Variants in REDIC1 observed in about 807,000 individuals in gnomAD.
The protein encoded by REDIC1 is regulator of DNA class I crossover intermediates 1, also known as HEI10 Interacting Protein 1.
the REDIC1 span, among the ~76,000 whole-genome samples, chr12:39,717,658 C>T: frequency 2.0e-5 from 3 of 152,042 alleles, no homozygotes; most frequent in African/African-American, 7.2e-5. Flanking sequence ...TTTGATTTTT[C>T]GTTTCTCTAA....
the REDIC1 span, among the ~76,000 whole-genome samples, chr12:39,688,086 C>G: frequency 6.6e-6 from 1 of 152,122 alleles, no homozygotes; most frequent in Non-Finnish European, 1.5e-5. Context: ...TTCCTGTATG[C>G]TAGACACTGG....
the REDIC1 span, among the ~76,000 whole-genome samples, chr12:39,901,942 A>C: frequency 2.6e-4 from 40 of 152,232 alleles, no homozygotes; most frequent in African/African-American, 8.7e-4. Context: ...GGAACCAACC[A>C]AAATGTCCAT....
the REDIC1 span, among the ~76,000 whole-genome samples, chr12:39,743,514 C>A: frequency 6.6e-6 from 1 of 152,140 alleles, no homozygotes; most frequent in East Asian, 1.9e-4. Flanking sequence ...AAAGCAGTCA[C>A]GTACCAGACT....
the REDIC1 span, among the ~76,000 whole-genome samples, chr12:39,809,522 ATACTTT>A: frequency 2.6e-5 from 4 of 152,164 alleles, no homozygotes; most frequent in Non-Finnish European, 5.9e-5. Flanking sequence ...AATTATTATT[ATACTTT>A]AAGTTTTAGG....
At chr12:39,848,074 C>A in the REDIC1 span, among the ~76,000 whole-genome samples, 5 of 151,984 alleles carry the variant, frequency 3.3e-5, no homozygotes, top group African/African-American at 9.7e-5. Flanking sequence ...CTCTGAAAAC[C>A]CTGGAAGACA....
At chr12:39,654,754 CAT>C in the REDIC1 span, among the ~76,000 whole-genome samples, 120,388 of 151,880 alleles carry the variant, frequency 0.79, 48,447 homozygotes, top group Non-Finnish European at 0.87. Flanking sequence ...ATACTGGCCT[CAT>C]AGAAAAAGTT....
At chr12:39,684,045 T>C in the REDIC1 span, 3 of 694,750 alleles carry the variant, frequency 4.3e-6, no homozygotes, top group Non-Finnish European at 5.3e-6. Context: ...TTTCTCTATG[T>C]TCAAGATTAC....
chr12:39,752,966 A>AAT, the REDIC1 span, among the ~76,000 whole-genome samples: 12 of 152,308 alleles, frequency 7.9e-5, no homozygotes, highest in Admixed American at 2.0e-4. Flanking sequence ...ATCCTCAGAG[A>AAT]ATCTGATTCA....
chr12:39,908,175 T>C, the REDIC1 span: 1 of 152,018 alleles, frequency 6.6e-6, no homozygotes, highest in Non-Finnish European at 1.5e-5. Flanking sequence ...AGTCTAATGG[T>C]GTATCTCTGG....
chr12:39,637,486 G>A, the REDIC1 span, among the ~76,000 whole-genome samples: 1 of 152,170 alleles, frequency 6.6e-6, no homozygotes, highest in South Asian at 2.1e-4. Context: ...ATTTTAGTTT[G>A]GTTGAGTGTT....
chr12:39,858,003 G>A, the REDIC1 span, among the ~76,000 whole-genome samples: 1 of 152,148 alleles, frequency 6.6e-6, no homozygotes, highest in Non-Finnish European at 1.5e-5. Context: ...AGCAAGTCTT[G>A]CCAAGTGGGG....
At chr12:39,691,776 T>C in the REDIC1 span, among the ~76,000 whole-genome samples, 4 of 152,172 alleles carry the variant, frequency 2.6e-5, no homozygotes, top group Admixed American at 2.0e-4. Flanking sequence ...TCAGCTGCAT[T>C]TACTATGATT....
the REDIC1 span, among the ~76,000 whole-genome samples, chr12:39,691,851 GT>G: frequency 1.3e-5 from 2 of 152,062 alleles, no homozygotes; most frequent in African/African-American, 4.8e-5. Flanking sequence ...GTTGCTTGTT[GT>G]TTTTTAACGA....
the REDIC1 span, among the ~76,000 whole-genome samples, chr12:39,712,468 GTATA>G: frequency 2.5e-5 from 3 of 119,868 alleles, no homozygotes; most frequent in Non-Finnish European, 5.4e-5. Context: ...ATATACGTAT[GTATA>G]TATACATACA....
chr12:39,664,793 T>C, the REDIC1 span, among the ~76,000 whole-genome samples: 1 of 152,158 alleles, frequency 6.6e-6, no homozygotes, highest in South Asian at 2.1e-4. Context: ...TGGTATCTCA[T>C]TGTGGTTTTG....
the REDIC1 span, among the ~76,000 whole-genome samples, chr12:39,838,516 AAAAAG>A: frequency 6.6e-6 from 1 of 151,718 alleles, no homozygotes; most frequent in African/African-American, 2.4e-5. Context: ...TAAAAAAAAA[AAAAAG>A]AAAGGGAGAA....
chr12:39,799,882 G>C, the REDIC1 span, among the ~76,000 whole-genome samples: 1 of 152,182 alleles, frequency 6.6e-6, no homozygotes, highest in East Asian at 1.9e-4. Flanking sequence ...GATTGGTGCA[G>C]AGAGAATCAA....
chr12:39,708,891 G>A, the REDIC1 span, among the ~76,000 whole-genome samples: 2 of 151,738 alleles, frequency 1.3e-5, no homozygotes, highest in African/African-American at 2.4e-5. Context: ...ACTTGCTTAA[G>A]TCCAAAAGAA....
chr12:39,861,083 CCTTA>C, the REDIC1 span, among the ~76,000 whole-genome samples: 1 of 152,226 alleles, frequency 6.6e-6, no homozygotes. Flanking sequence ...TTGCCACGTT[CCTTA>C]CTGCCTTGCA....
Sources: allele counts gnomAD v4.1 joint callset (sites outside exome capture counted in the v4.1 genomes callset), GRCh38; gene constraint gnomAD v4.1.1; transcripts MANE v1.5; gene names NCBI Gene and HGNC (gene_info 2026-07-23, HGNC 2026-07-21).